Variants in CNTN5 observed in about 807,000 individuals in gnomAD.
The protein encoded by CNTN5 is contactin-5.
Under a neutral mutation model 129.1 loss-of-function variants are expected in CNTN5, and 77 were observed. The observed-to-expected ratio is 0.60, with a 90% CI of 0.50 to 0.72. The LOEUF is 0.72. Among genes scored for constraint, CNTN5 ranks in the 30% least tolerant of loss-of-function variants. The pLI, the probability that CNTN5 is intolerant of heterozygous loss-of-function variation, is 0.00. For missense variants in CNTN5, 1,478 were observed against 1,328.8 expected, an observed-to-expected ratio of 1.11 and a Z score of -1.75; for synonymous variants, 509 against 465.6, an observed-to-expected ratio of 1.09 and a Z score of -1.20.
intron 16 of CNTN5, among the ~76,000 whole-genome samples, chr11:100,230,444 C>T (rs999475676): frequency 1.3e-5 from 2 of 152,088 alleles, no homozygotes; most frequent in South Asian, 2.1e-4. Flanking sequence ...TGCTTGCTAA[C>T]CTGTAGAACT....
At chr11:99,517,447 A>G (rs1158628051) in intron 2 of CNTN5, among the ~76,000 whole-genome samples, 1 of 152,014 alleles carries the variant, frequency 6.6e-6, no homozygotes, top group Non-Finnish European at 1.5e-5. Flanking sequence ...GTACTCCGAA[A>G]TTCTTGGCAA....
At chr11:99,237,695 A>G (rs1337111261) in intron 1 of CNTN5, among the ~76,000 whole-genome samples, 1 of 152,112 alleles carries the variant, frequency 6.6e-6, no homozygotes, top group Non-Finnish European at 1.5e-5. Context: ...GAAAAAAAAA[A>G]GGCATTTATA....
chr11:99,772,137 A>T (rs559032895), intron 3 of CNTN5, among the ~76,000 whole-genome samples: 1 of 151,340 alleles, frequency 6.6e-6, no homozygotes, highest in Non-Finnish European at 1.5e-5. Context: ...TGTGAGAAAA[A>T]TTTTTCTACT....
chr11:99,670,363 G>A (rs569345498), intron 3 of CNTN5, among the ~76,000 whole-genome samples: 36 of 152,162 alleles, frequency 2.4e-4, no homozygotes, highest in African/African-American at 7.9e-4. Flanking sequence ...GAAAAACTAG[G>A]AGTCATCCAT....
At chr11:99,403,613 C>A (rs902036080) in intron 2 of CNTN5, among the ~76,000 whole-genome samples, 10 of 151,998 alleles carry the variant, frequency 6.6e-5, no homozygotes, top group Non-Finnish European at 1.3e-4. Context: ...TTTATGGACC[C>A]ACTAGTCGTT....
intron 13 of CNTN5, among the ~76,000 whole-genome samples, chr11:100,081,160 A>C (rs1168144626): frequency 3.9e-5 from 6 of 152,100 alleles, no homozygotes; most frequent in Non-Finnish European, 8.8e-5. Context: ...TATTAGAAAA[A>C]ATTTTAAAAT....
intron 2 of CNTN5, among the ~76,000 whole-genome samples, chr11:99,386,594 C>A (rs902469129): frequency 6.6e-6 from 1 of 152,118 alleles, no homozygotes; most frequent in African/African-American, 2.4e-5. Context: ...GTTTTATCAA[C>A]AAGGTCTTTA....
chr11:99,814,894 C>T (rs79171122), intron 3 of CNTN5, among the ~76,000 whole-genome samples: 3,019 of 152,194 alleles, frequency 0.02, 98 homozygotes, highest in African/African-American at 0.068. Flanking sequence ...AGGAAACTTA[C>T]AATCATGATG....
intron 9 of CNTN5, among the ~76,000 whole-genome samples, chr11:100,043,947 A>G (rs1224705979): frequency 1.3e-5 from 2 of 152,044 alleles, no homozygotes; most frequent in Non-Finnish European, 2.9e-5. Context: ...ACATGTATAT[A>G]TTGTGTAGTG....
At chr11:99,713,882 A>G (rs911469924) in intron 3 of CNTN5, among the ~76,000 whole-genome samples, 4 of 151,976 alleles carry the variant, frequency 2.6e-5, no homozygotes, top group African/African-American at 9.7e-5. Context: ...AATTATCTGC[A>G]TAGCTGAGCA....
At chr11:99,341,910 A>T (rs913431716) in intron 2 of CNTN5, among the ~76,000 whole-genome samples, 11 of 152,170 alleles carry the variant, frequency 7.2e-5, no homozygotes, top group Admixed American at 2.6e-4. Context: ...GAGAACAAAA[A>T]TAGTAAAGAA....
chr11:100,176,776 TTAATTC>T (rs929069643), intron 13 of CNTN5, among the ~76,000 whole-genome samples: 15 of 152,162 alleles, frequency 9.9e-5, no homozygotes, highest in South Asian at 2.1e-4. Context: ...ATACTTGCTT[TTAATTC>T]TAATTCTAAT....
At chr11:99,914,744 G>C (rs950704306) in intron 6 of CNTN5, among the ~76,000 whole-genome samples, 1 of 151,988 alleles carries the variant, frequency 6.6e-6, no homozygotes, top group South Asian at 2.1e-4. Flanking sequence ...ATACTTCTCT[G>C]TTTCTTTATT....
At chr11:99,815,576 C>T (rs551727872) in intron 3 of CNTN5, among the ~76,000 whole-genome samples, 1 of 152,224 alleles carries the variant, frequency 6.6e-6, no homozygotes, top group African/African-American at 2.4e-5. Context: ...CAGGGGGTTC[C>T]AGACCATGTC....
chr11:99,135,814 T>A (rs1342701225), intron 1 of CNTN5, among the ~76,000 whole-genome samples: 3 of 152,196 alleles, frequency 2.0e-5, no homozygotes, highest in African/African-American at 7.2e-5. Flanking sequence ...TACCAAGATC[T>A]GTGTCCGTGA....
chr11:99,165,879 C>T (rs11218601), intron 1 of CNTN5, among the ~76,000 whole-genome samples: 102,596 of 151,954 alleles, frequency 0.68, 35,004 homozygotes, highest in East Asian at 0.94. Context: ...AAGCAATTTC[C>T]AAGATTGACT....
In CNTN5 at chr11:100,304,118, C is replaced by T. The variant is rs572609195; in HGVS notation, c.2621-4241C>T. 9.2e-5 allele frequency among the ~76,000 whole-genome samples: 14 copies of T among 151,646 alleles called. No homozygotes were observed. The East Asian group carries it at 2.7e-3, about 29-fold the overall frequency. ...AGGTCACTTAATACAAATGTATCAT[C>T]GAAATTCATGAACACGGTAATGCTG... On this transcript the variant is annotated intron_variant, in intron 20 of 24. Coordinates refer to ENST00000524871, the MANE Select transcript of CNTN5 (RefSeq NM_014361.4).
At chr11:99,586,451 C>T (rs1949796459) in intron 3 of CNTN5, among the ~76,000 whole-genome samples, 1 of 152,108 alleles carries the variant, frequency 6.6e-6, no homozygotes, top group African/African-American at 2.4e-5. Flanking sequence ...TTTTAATGTG[C>T]CAAATCTGTT....
chr11:99,040,498 A>C (rs1863943890), intron 1 of CNTN5, among the ~76,000 whole-genome samples: 1 of 152,152 alleles, frequency 6.6e-6, no homozygotes, highest in African/African-American at 2.4e-5. Context: ...TACAGTTACC[A>C]GTTAATTTCA....
Sources: allele counts gnomAD v4.1 joint callset (sites outside exome capture counted in the v4.1 genomes callset), GRCh38; gene constraint gnomAD v4.1.1; transcripts MANE v1.5; gene names NCBI Gene and HGNC (gene_info 2026-07-23, HGNC 2026-07-21).